Variants in USP37 observed in about 807,000 individuals in gnomAD.
The protein encoded by USP37 is ubiquitin specific peptidase 37, also known as ubiquitin carboxyl-terminal hydrolase 37.
A neutral mutation model predicts 124.0 loss-of-function variants in USP37; 27 were observed. The ratio of observed to expected loss-of-function variants is 0.22; its 90% confidence interval spans 0.16 to 0.30. USP37 has a LOEUF of 0.30. Among genes scored for constraint, USP37 ranks in the 10% least tolerant of loss-of-function variants. USP37 has a pLI of 1.00. For synonymous variants in USP37, 365 were observed against 388.0 expected, an observed-to-expected ratio of 0.94 and a Z score of 0.70; for missense variants, 889 against 1,140.4, an observed-to-expected ratio of 0.78 and a Z score of 3.17.
At chr2:218,544,467 A>G (rs997469043) in intron 8 of USP37, among the ~76,000 whole-genome samples, 4 of 143,164 alleles carry the variant, frequency 2.8e-5, no homozygotes, top group African/African-American at 7.7e-5. Context: ...AGAGACCCCA[A>G]TTCTTTCTCA....
At chr2:218,460,898 G>A (rs1302985855) in intron 22 of USP37, among the ~76,000 whole-genome samples, 6 of 151,704 alleles carry the variant, frequency 4.0e-5, no homozygotes, top group African/African-American at 1.5e-4. Flanking sequence ...CCGAGATTGC[G>A]CCACTGCACT....
chr2:218,532,140 G>A lies in USP37; in HGVS notation c.779-2100C>T, dbSNP rs191577767. 5.9e-5 allele frequency among the ~76,000 whole-genome samples: 9 copies of A among 152,210 alleles called. No homozygotes were observed. In the South Asian group the frequency reaches 1.0e-3, roughly 18 times the overall value. On this transcript the variant is annotated intron_variant, in intron 9 of 25. Coordinates refer to ENST00000258399, the MANE Select transcript of USP37 (RefSeq NM_020935.3). ...GCTACAGAGAAACCTTTCATGAAAC[G>A]AAGAGTCAATCAGAGATGTGACAAA...
At chr2:218,551,163 T>C (rs887872202) in intron 5 of USP37, among the ~76,000 whole-genome samples, 7 of 152,212 alleles carry the variant, frequency 4.6e-5, no homozygotes, top group Middle Eastern at 3.2e-3. Context: ...CAAATATTAG[T>C]CTTTTGTCCA....
chr2:218,532,941 G>T (rs1197642134), intron 9 of USP37, among the ~76,000 whole-genome samples: 1 of 151,440 alleles, frequency 6.6e-6, no homozygotes, highest in Non-Finnish European at 1.5e-5. Context: ...AAAAAAAAAG[G>T]TACTTTATTA....
intron 10 of USP37, among the ~76,000 whole-genome samples, chr2:218,525,009 CTA>C (rs1690877521): frequency 6.6e-6 from 1 of 152,120 alleles, no homozygotes; most frequent in African/African-American, 2.4e-5. Context: ...TGTATACACC[CTA>C]TGTCATTTGA....
intron 11 of USP37, among the ~76,000 whole-genome samples, chr2:218,502,121 G>GA (rs911054440): frequency 6.6e-6 from 1 of 150,646 alleles, no homozygotes; most frequent in African/African-American, 2.4e-5. Context: ...TGAGAAAGAA[G>GA]AAAAAAAACA....
intron 11 of USP37, among the ~76,000 whole-genome samples, chr2:218,499,551 A>C (rs1439203172): frequency 6.6e-6 from 1 of 152,240 alleles, no homozygotes. Context: ...CAGTAAATGT[A>C]ACACTGATAC....
intron 11 of USP37, among the ~76,000 whole-genome samples, chr2:218,500,287 C>A (rs1031677731): frequency 6.7e-6 from 1 of 149,520 alleles, no homozygotes; most frequent in Admixed American, 6.7e-5. Flanking sequence ...TGAGACGGAG[C>A]CTTGCTCTGT....
rs1419512655 is a variant in USP37, at chr2:218,557,351, G to GA, written c.156+1146dup. ...TCACTGCCAAATTGGGCTGAGGATT[G>GA]AAAAAAAAATGAGCCTGTATTTGCA... On this transcript the variant is annotated intron_variant, in intron 4 of 25. Coordinates refer to ENST00000258399, the MANE Select transcript of USP37 (RefSeq NM_020935.3). Among the ~76,000 whole-genome samples the GA allele has an allele frequency of 4.0e-3, 597 of 149,406 alleles. 4 individuals carry two copies. Among genetic ancestry groups the GA allele is most frequent in the African/African-American group, 0.013 (549 of 40,726 alleles).
At position 218,495,898 on chromosome 2, in the gene USP37, T is replaced by C. The variant is rs1053887941; in HGVS notation, c.1334A>G (p.Glu445Gly). 7.4e-6 allele frequency: 12 copies of C among 1,613,596 alleles called. No homozygotes were observed. The highest frequency in any genetic ancestry group is 9.3e-6 in the Non-Finnish European group (11 of 1,180,000). ...AGTCTTCCAAGTTTTATTTAATTTTTCCATATCTTCTTTCAGCTGGTCCAA... is the reference window on the plus strand; with the variant it reads ...AGTCTTCCAAGTTTTATTTAATTTTCCCATATCTTCTTTCAGCTGGTCCAA... ...QCLDQLKEDM[E>G]KLNKTWKTEP... Residue 445 changes from glutamate (E) to glycine (G), a missense_variant, in exon 14 of 26, where the codon GAA (glutamate) becomes GGA (glycine). Glu to Gly is a moderately conservative substitution (Grantham distance 98). Transcript: ENST00000258399.
chr2:218,469,660 A>C (rs1049414324), intron 20 of USP37, among the ~76,000 whole-genome samples: 2 of 152,114 alleles, frequency 1.3e-5, no homozygotes, highest in African/African-American at 4.8e-5. Context: ...TGAAGATGCT[A>C]AAGTCAATAT....
chr2:218,541,545 G>A (rs1462423050), intron 8 of USP37, among the ~76,000 whole-genome samples: 4 of 152,034 alleles, frequency 2.6e-5, no homozygotes, highest in African/African-American at 4.8e-5. Context: ...TGAAGATCTC[G>A]GTAATGCCAT....
At chr2:218,548,886 T>C (rs1425020198) in intron 6 of USP37, among the ~76,000 whole-genome samples, 1 of 152,152 alleles carries the variant, frequency 6.6e-6, no homozygotes, top group Admixed American at 6.6e-5. Context: ...CACTTATGCA[T>C]TTAAATAATA....
At chr2:218,509,064 T>C (rs1325232569) in intron 11 of USP37, among the ~76,000 whole-genome samples, 2 of 152,162 alleles carry the variant, frequency 1.3e-5, no homozygotes, top group African/African-American at 4.8e-5. Context: ...CAACAAGCAT[T>C]AAAAACATAC....
At chr2:218,505,914 G>T (rs1574898014) in intron 11 of USP37, among the ~76,000 whole-genome samples, 1 of 151,862 alleles carries the variant, frequency 6.6e-6, no homozygotes, top group Non-Finnish European at 1.5e-5. Context: ...ACCCAGGCTG[G>T]AGTGCAGTGG....
At chr2:218,474,066 T>G (rs523396) in intron 20 of USP37, among the ~76,000 whole-genome samples, 91,987 of 152,022 alleles carry the variant, frequency 0.61, 28,036 homozygotes, top group East Asian at 0.78. Context: ...AATGGAGAAC[T>G]TGAATTATTT....
At chr2:218,565,693 G>C (rs939099372) in intron 1 of USP37, among the ~76,000 whole-genome samples, 3 of 152,160 alleles carry the variant, frequency 2.0e-5, no homozygotes, top group Admixed American at 1.3e-4. Flanking sequence ...AAAAAGAAGT[G>C]GTCACTAGCC....
chr2:218,555,281 T>C (rs1184469689), intron 4 of USP37, among the ~76,000 whole-genome samples: 1 of 49,922 alleles, frequency 2.0e-5, no homozygotes, highest in Non-Finnish European at 8.1e-5. Context: ...ACTAGTAACA[T>C]ACTTCAGAAT....
chr2:218,510,430 A>G (rs958532677), intron 10 of USP37, among the ~76,000 whole-genome samples: 1 of 152,230 alleles, frequency 6.6e-6, no homozygotes, highest in African/African-American at 2.4e-5. Context: ...TATCCATTTT[A>G]TGGATATTAC....
Sources: allele counts gnomAD v4.1 joint callset (sites outside exome capture counted in the v4.1 genomes callset), GRCh38; gene constraint gnomAD v4.1.1; transcripts MANE v1.5; gene names NCBI Gene and HGNC (gene_info 2026-07-23, HGNC 2026-07-21).